The following PTPRD variants were observed in gnomAD, a reference collection of about 807,000 sequenced individuals.
PTPRD encodes the protein receptor-type tyrosine-protein phosphatase delta.
PTPRD carries 34 observed loss-of-function variants against 214.5 expected under a neutral mutation model. The observed-to-expected ratio is 0.16, with a 90% confidence interval of 0.12 to 0.21. The LOEUF (loss-of-function observed/expected upper bound fraction) is 0.21. PTPRD is among the 10% of genes least tolerant of loss of function. The pLI is 1.00. For missense variants in PTPRD, 2,545 were observed against 2,398.7 expected, an observed-to-expected ratio of 1.06 and a Z score of -1.27; for synonymous variants, 1,128 against 845.7, an observed-to-expected ratio of 1.33 and a Z score of -5.79.
intron 5 of PTPRD, among the ~76,000 whole-genome samples, chr9:9,842,673 T>G (rs896730466): frequency 1.6e-4 from 25 of 151,868 alleles, no homozygotes; most frequent in Admixed American, 3.3e-4. Flanking sequence ...AAAAGTTGTT[T>G]TTTTTTTTTT....
chr9:9,779,319 G>A (rs1164435034), intron 5 of PTPRD, among the ~76,000 whole-genome samples: 1 of 151,930 alleles, frequency 6.6e-6, no homozygotes, highest in Non-Finnish European at 1.5e-5. Context: ...GCTAAGTTCT[G>A]AAAGCAATTA....
At chr9:9,059,924 C>G (rs193407) in intron 10 of PTPRD, among the ~76,000 whole-genome samples, 91,964 of 151,898 alleles carry the variant, frequency 0.61, 32,635 homozygotes, top group Non-Finnish European at 0.77. Flanking sequence ...GGAGGGTTAC[C>G]CCATATTTAT....
intron 4 of PTPRD, among the ~76,000 whole-genome samples, chr9:9,994,407 T>G (rs534087204): frequency 6.6e-6 from 1 of 152,284 alleles, no homozygotes; most frequent in East Asian, 1.9e-4. Context: ...TAATTTATGT[T>G]TATCTCTTCT....
chr9:10,393,351 G>A (rs1302201156), intron 2 of PTPRD, among the ~76,000 whole-genome samples: 3 of 151,568 alleles, frequency 2.0e-5, no homozygotes, highest in African/African-American at 7.3e-5. Flanking sequence ...CAGAAGCTAT[G>A]TATGAGTACA....
At chr9:10,606,845 G>C (rs2079542181) in intron 2 of PTPRD, among the ~76,000 whole-genome samples, 1 of 151,900 alleles carries the variant, frequency 6.6e-6, no homozygotes. Flanking sequence ...ACTTTGGACA[G>C]TTTGTAAAAT....
intron 11 of PTPRD, among the ~76,000 whole-genome samples, chr9:8,762,016 T>C (rs1190928105): frequency 6.6e-6 from 1 of 152,156 alleles, no homozygotes; most frequent in African/African-American, 2.4e-5. Context: ...AAAATATACC[T>C]ACTGGTGGGA....
chr9:8,448,936 T>A (rs972843240), intron 34 of PTPRD, among the ~76,000 whole-genome samples: 3 of 152,192 alleles, frequency 2.0e-5, no homozygotes, highest in African/African-American at 7.2e-5. Flanking sequence ...TATCATAACA[T>A]ATTAAGATAG....
chr9:8,548,652 G>C (rs970310221), intron 14 of PTPRD, among the ~76,000 whole-genome samples: 22 of 139,656 alleles, frequency 1.6e-4, no homozygotes, highest in Non-Finnish European at 3.2e-4. Flanking sequence ...AGAGGTGTAA[G>C]CCATTGCACC....
At chr9:9,874,229 G>A (rs1009062012) in intron 5 of PTPRD, among the ~76,000 whole-genome samples, 1 of 152,176 alleles carries the variant, frequency 6.6e-6, no homozygotes, top group African/African-American at 2.4e-5. Context: ...CCGAAGACGA[G>A]AGAGAGGGCT....
At chr9:9,912,534 C>T (rs1276878775) in intron 5 of PTPRD, among the ~76,000 whole-genome samples, 2 of 152,164 alleles carry the variant, frequency 1.3e-5, no homozygotes, top group Admixed American at 6.5e-5. Context: ...TGCCTCATCA[C>T]TACCTAGAAA....
intron 13 of PTPRD, among the ~76,000 whole-genome samples, chr9:8,636,300 G>C (rs2096431353): frequency 6.6e-6 from 1 of 152,138 alleles, no homozygotes; most frequent in Non-Finnish European, 1.5e-5. Flanking sequence ...AGGCTACACT[G>C]TCCACCTATC....
intron 5 of PTPRD, among the ~76,000 whole-genome samples, chr9:9,913,824 C>T (rs189435784): frequency 5.3e-5 from 8 of 152,270 alleles, no homozygotes; most frequent in Admixed American, 1.3e-4. Flanking sequence ...CTCTCTCCCT[C>T]CACCTCCCAC....
At chr9:10,458,612 T>C (rs553621817) in intron 2 of PTPRD, among the ~76,000 whole-genome samples, 1 of 152,288 alleles carries the variant, frequency 6.6e-6, no homozygotes, top group Non-Finnish European at 1.5e-5. Context: ...AACTGAAAGC[T>C]TTTCCTTTAA....
intron 10 of PTPRD, among the ~76,000 whole-genome samples, chr9:9,061,237 A>C (rs567329427): frequency 6.6e-6 from 1 of 152,288 alleles, no homozygotes; most frequent in South Asian, 2.1e-4. Flanking sequence ...TCTATGCGTT[A>C]TACTGCAACA....
chr9:8,889,894 A>G (rs1257081637), intron 11 of PTPRD, among the ~76,000 whole-genome samples: 1 of 152,160 alleles, frequency 6.6e-6, no homozygotes, highest in Non-Finnish European at 1.5e-5. Flanking sequence ...ATATTTTTGC[A>G]ATTGCAAATT....
chr9:9,461,466 T>C (rs2093649218), intron 8 of PTPRD, among the ~76,000 whole-genome samples: 1 of 151,940 alleles, frequency 6.6e-6, no homozygotes, highest in African/African-American at 2.4e-5. Context: ...TTTAATGGAA[T>C]TAGAGTAGAT....
chr9:10,241,113 A>G (rs893080403), intron 3 of PTPRD, among the ~76,000 whole-genome samples: 11 of 151,938 alleles, frequency 7.2e-5, no homozygotes, highest in Non-Finnish European at 5.9e-5. Context: ...AACATCATTA[A>G]CTATTAAAGA....
At chr9:9,411,862 A>C (rs976924382) in intron 8 of PTPRD, among the ~76,000 whole-genome samples, 4 of 152,096 alleles carry the variant, frequency 2.6e-5, no homozygotes, top group Non-Finnish European at 5.9e-5. Flanking sequence ...TAGGGAAATG[A>C]AATACTAAAT....
chr9:9,259,495 G>A (rs901666754), intron 9 of PTPRD, among the ~76,000 whole-genome samples: 8 of 151,818 alleles, frequency 5.3e-5, no homozygotes, highest in Admixed American at 4.6e-4. Flanking sequence ...GGAAATTCAG[G>A]TGAAAGCACT....
Sources: gnomAD v4.1 joint callset for allele counts (sites outside exome capture counted in the v4.1 genomes callset) on GRCh38, gnomAD v4.1.1 for gene constraint, MANE v1.5 for transcripts, NCBI Gene and HGNC (gene_info 2026-07-23, HGNC 2026-07-21) for gene names.